The following USP12 variants were observed in gnomAD, a reference collection of about 807,000 sequenced individuals.
The protein encoded by USP12 is ubiquitin specific peptidase 12, also known as ubiquitin carboxyl-terminal hydrolase 12.
Under a neutral mutation model 45.5 loss-of-function variants are expected in USP12, and 19 were observed. The observed-to-expected ratio is 0.42, with a 90% confidence interval of 0.29 to 0.61. USP12 has a LOEUF of 0.61. Among genes scored for constraint, USP12 ranks in the 20% least tolerant of loss-of-function variants. The probability of loss-of-function intolerance (pLI) is 0.22; values close to 1 mark genes in which losing one functional copy is unlikely to be tolerated. For missense variants in USP12, 242 were observed against 447.7 expected (o/e 0.54, Z 4.15); for synonymous variants, 149 against 148.8 (o/e 1.00, Z -0.01).
intron 6 of USP12, among the ~76,000 whole-genome samples, chr13:27,075,614 T>C (rs1167728412): frequency 2.6e-5 from 4 of 152,026 alleles, no homozygotes; most frequent in African/African-American, 7.3e-5. Context: ...ACCACATAAT[T>C]TGACACAGCA....
In USP12 at chr13:27,068,349, T is replaced by C. The variant is rs902538491; in HGVS notation, c.*934A>G. ...AATTAAAGCTGAAGAAAATAACTGA[T>C]TTAGAAACCATAATAAAAGGACAAA... On this transcript the variant is annotated 3_prime_UTR_variant, in exon 9 of 9. Coordinates refer to ENST00000282344, the MANE Select transcript of USP12 (RefSeq NM_182488.4). The C allele has an allele frequency of 6.6e-6, 1 of 152,568 alleles. No individual in the cohort carries two copies. The highest frequency in any genetic ancestry group is 2.4e-5 in the African/African-American group (1 of 41,428). 9.5% of individuals were successfully genotyped at this position (152,568 alleles called of 1,614,324 possible).
intron 1 of USP12, among the ~76,000 whole-genome samples, chr13:27,123,588 G>A (rs1019539674): frequency 6.6e-6 from 1 of 152,202 alleles, no homozygotes; most frequent in Admixed American, 6.5e-5. Flanking sequence ...GGAGGTAACT[G>A]AATCAAAGGC....
At chr13:27,166,225 A>G (rs979334931) in intron 1 of USP12, among the ~76,000 whole-genome samples, 1 of 152,208 alleles carries the variant, frequency 6.6e-6, no homozygotes, top group Non-Finnish European at 1.5e-5. Context: ...ACAAAATACC[A>G]TATTAAGTTT....
At chr13:27,116,472 C>T in intron 2 of USP12, 44 bp downstream of exon 2, 1 of 1,581,736 alleles carries the variant, frequency 6.3e-7, no homozygotes, top group Non-Finnish European at 8.6e-7. Flanking sequence ...GTTTTTAAAA[C>T]TGCTTCCGAA....
intron 2 of USP12, among the ~76,000 whole-genome samples, chr13:27,108,995 T>A (rs375034776): frequency 1.2e-4 from 19 of 152,296 alleles, no homozygotes; most frequent in Middle Eastern, 3.4e-3. Context: ...GACATTTTTT[T>A]AAAAAGCAGC....
intron 1 of USP12, among the ~76,000 whole-genome samples, chr13:27,148,693 A>G (rs535339051): frequency 8.9e-6 from 1 of 112,776 alleles, no homozygotes; most frequent in African/African-American, 3.2e-5. Flanking sequence ...TATATATATA[A>G]TATAAATAAT....
rs536429772 is a variant in USP12, at chr13:27,080,851, G to A, written c.735-5463C>T. ...TGTAACAGCATTATGTCTGAAAAAA[G>A]TCCATATCTTAATTTAAAAATAGTT... is the stretch of plus-strand genomic sequence containing the variant. On this transcript the variant is annotated intron_variant, in intron 6 of 8. Transcript: ENST00000282344. Among the ~76,000 whole-genome samples, 4 of 152,200 alleles carry A rather than the reference G, an allele frequency of 2.6e-5. No individual in the cohort carries two copies. In the East Asian group the frequency reaches 7.7e-4, roughly 29 times the overall value.
intron 1 of USP12, among the ~76,000 whole-genome samples, chr13:27,131,415 G>GA (rs1420470441): frequency 6.6e-6 from 1 of 152,196 alleles, no homozygotes; most frequent in Non-Finnish European, 1.5e-5. Context: ...TAGTGAATGT[G>GA]AAAGTGCTGT....
chr13:27,151,465 T>C (rs1007750759), intron 1 of USP12, among the ~76,000 whole-genome samples: 9 of 152,028 alleles, frequency 5.9e-5, no homozygotes, highest in Admixed American at 2.6e-4. Context: ...AACAAGAAAC[T>C]TGTATCCAGA....
At chr13:27,096,727 C>G (rs1289223031) in intron 3 of USP12, among the ~76,000 whole-genome samples, 3 of 152,002 alleles carry the variant, frequency 2.0e-5, no homozygotes, top group African/African-American at 7.3e-5. Context: ...AAAGTAATGC[C>G]CAGTATAAGC....
At chr13:27,080,526 G>C (rs1212142082) in intron 6 of USP12, among the ~76,000 whole-genome samples, 2 of 152,238 alleles carry the variant, frequency 1.3e-5, no homozygotes, top group East Asian at 3.9e-4. Flanking sequence ...GGTAAGAACA[G>C]GACTGGTCCC....
intron 7 of USP12, among the ~76,000 whole-genome samples, chr13:27,073,530 G>C (rs7993700): frequency 0.26 from 39,928 of 152,012 alleles, 6,001 homozygotes; most frequent in Non-Finnish European, 0.34. Flanking sequence ...TAAAAGGGGA[G>C]AGTGGGGAGG....
intron 1 of USP12, among the ~76,000 whole-genome samples, chr13:27,156,223 A>G (rs1877837561): frequency 6.6e-6 from 1 of 151,854 alleles, no homozygotes; most frequent in Non-Finnish European, 1.5e-5. Flanking sequence ...TGCAAGGAAA[A>G]AAAAAAAAAA....
intron 6 of USP12, chr13:27,089,662 C>A (rs541355356): frequency 4.2e-6 from 2 of 481,922 alleles, no homozygotes; most frequent in East Asian, 3.4e-5. Flanking sequence ...ATTAAATAAT[C>A]GCTAGACATA....
intron 2 of USP12, among the ~76,000 whole-genome samples, chr13:27,108,910 G>A (rs1344071854): frequency 6.6e-6 from 1 of 152,138 alleles, no homozygotes; most frequent in Non-Finnish European, 1.5e-5. Context: ...CACTGTACTC[G>A]GGCTTGGGCG....
chr13:27,169,164 GA>G (rs1177349864), intron 1 of USP12: 1 of 152,172 alleles, frequency 6.6e-6, no homozygotes, highest in Non-Finnish European at 1.5e-5. Flanking sequence ...AGAGTTCAAA[GA>G]AAAATTTACT....
At chr13:27,147,319 TTA>T (rs1298308277) in intron 1 of USP12, among the ~76,000 whole-genome samples, 6 of 152,182 alleles carry the variant, frequency 3.9e-5, no homozygotes, top group Non-Finnish European at 7.3e-5. Flanking sequence ...CCATTTTATT[TTA>T]GTTTGTTTCC....
rs58500654 is a variant in USP12, at chr13:27,109,912, C to CAAAAAA, written c.130-3974_130-3969dup. On this transcript the variant is annotated intron_variant, in intron 2 of 8. Coordinates refer to ENST00000282344, the MANE Select transcript of USP12 (RefSeq NM_182488.4). ...GGGCGACACAGTGAGACTCTGTCTCCAAAAAAAAAAAAAAGTCATCTTTGA... is the reference window on the plus strand; with the variant it reads ...GGGCGACACAGTGAGACTCTGTCTCCAAAAAAAAAAAAAAAAAAAAGTCATCTTTGA... Among the ~76,000 whole-genome samples, 739 of 108,302 alleles carry CAAAAAA rather than the reference C, an allele frequency of 6.8e-3. 19 individuals are homozygous for CAAAAAA. Among genetic ancestry groups the CAAAAAA allele is most frequent in the Middle Eastern group, 0.015 (3 of 200 alleles). The allele number at this position is 108,302 out of a possible 152,430, so 71.1% of individuals were successfully genotyped here.
intron 1 of USP12, among the ~76,000 whole-genome samples, chr13:27,136,632 G>A (rs1876817186): frequency 6.6e-6 from 1 of 152,140 alleles, no homozygotes; most frequent in Admixed American, 6.5e-5. Context: ...AATTAGAGAA[G>A]ACAGACTTTT....
Sources: allele counts gnomAD v4.1 joint callset (sites outside exome capture counted in the v4.1 genomes callset), GRCh38; gene constraint gnomAD v4.1.1; transcripts MANE v1.5; gene names NCBI Gene and HGNC (gene_info 2026-07-23, HGNC 2026-07-21).